CDK14: variants seen among roughly 807,000 people sequenced by gnomAD.
CDK14 encodes the protein cyclin dependent kinase 14.
A neutral mutation model predicts 60.7 loss-of-function variants in CDK14; 34 were observed. The observed-to-expected ratio is 0.56, with a 90% CI of 0.43 to 0.75. The LOEUF (loss-of-function observed/expected upper bound fraction) is 0.75, where lower values mean the gene tolerates loss of function less well. Ranked by LOEUF, CDK14 falls within the 30% of genes least tolerant of loss-of-function variation. The pLI is 0.00. For missense variants in CDK14, 482 were observed against 564.1 expected (o/e 0.85, Z 1.47); for synonymous variants, 197 against 203.7 (o/e 0.97, Z 0.28).
intron 3 of CDK14, among the ~76,000 whole-genome samples, chr7:90,732,230 G>A (rs993181855): frequency 6.6e-6 from 1 of 152,270 alleles, no homozygotes; most frequent in South Asian, 2.1e-4. Context: ...TGGGCTGCTG[G>A]ATTTGGTTTG....
chr7:91,054,044 A>G (rs1306215014), intron 11 of CDK14, among the ~76,000 whole-genome samples: 1 of 151,182 alleles, frequency 6.6e-6, no homozygotes, highest in Non-Finnish European at 1.5e-5. Context: ...CATAATTGAT[A>G]TAAAAGTACT....
intron 12 of CDK14, among the ~76,000 whole-genome samples, chr7:91,082,127 A>C (rs1475821260): frequency 6.6e-6 from 1 of 152,164 alleles, no homozygotes; most frequent in Non-Finnish European, 1.5e-5. Context: ...TGACATTGGC[A>C]TGTATGTGCA....
intron 8 of CDK14, among the ~76,000 whole-genome samples, chr7:90,931,217 T>C (rs1296912815): frequency 3.3e-5 from 5 of 152,184 alleles, no homozygotes; most frequent in African/African-American, 1.2e-4. Flanking sequence ...GAAATGCACC[T>C]AAGTTGAGAA....
At chr7:90,813,916 A>T (rs1789243822) in intron 5 of CDK14, among the ~76,000 whole-genome samples, 1 of 152,224 alleles carries the variant, frequency 6.6e-6, no homozygotes, top group African/African-American at 2.4e-5. Flanking sequence ...TTTGTAAATT[A>T]TACCTCACCT....
chr7:90,734,025 A>G (rs1802983383), intron 3 of CDK14, among the ~76,000 whole-genome samples: 1 of 152,092 alleles, frequency 6.6e-6, no homozygotes, highest in South Asian at 2.1e-4. Flanking sequence ...GTCTCTCAGC[A>G]TTTGCTTGTC....
At chr7:90,940,037 G>A (rs1793869846) in intron 8 of CDK14, among the ~76,000 whole-genome samples, 1 of 152,132 alleles carries the variant, frequency 6.6e-6, no homozygotes, top group Non-Finnish European at 1.5e-5. Flanking sequence ...GACTGCCCAG[G>A]GCTGTGTGAG....
rs148722740 is a variant in CDK14, at chr7:91,121,695, C to A, written c.*28+3487C>A. On this transcript the variant is annotated intron_variant, in intron 14 of 14. Transcript: ENST00000380050. ...ACCTAAGTTAAAAATGGGATAGGTGCCACTGGATTATCAAAATACTGTGCT... is the reference window on the plus strand; with the variant it reads ...ACCTAAGTTAAAAATGGGATAGGTGACACTGGATTATCAAAATACTGTGCT... Among the ~76,000 whole-genome samples the A allele has an allele frequency of 3.9e-4, 60 of 152,230 alleles. No individual in the cohort carries two copies. In the East Asian group the frequency reaches 9.5e-3, roughly 24 times the overall value.
chr7:90,753,009 C>G (rs544179139), intron 4 of CDK14, among the ~76,000 whole-genome samples: 1 of 152,000 alleles, frequency 6.6e-6, no homozygotes, highest in East Asian at 1.9e-4. Flanking sequence ...AAAAACCTAC[C>G]AATCAAAAAA....
chr7:90,839,852 T>A (rs904796037), intron 5 of CDK14, among the ~76,000 whole-genome samples: 1 of 152,170 alleles, frequency 6.6e-6, no homozygotes, highest in Admixed American at 6.5e-5. Context: ...TTTTTGAAAT[T>A]GTTTCTTGTA....
At chr7:90,793,367 A>G (rs1805911486) in intron 5 of CDK14, among the ~76,000 whole-genome samples, 1 of 152,244 alleles carries the variant, frequency 6.6e-6, no homozygotes, top group African/African-American at 2.4e-5. Context: ...TTTGAAATCT[A>G]AAAGATTGTG....
intron 3 of CDK14, among the ~76,000 whole-genome samples, chr7:90,736,162 A>G (rs544951203): frequency 5.3e-5 from 8 of 151,772 alleles, no homozygotes; most frequent in East Asian, 2.0e-4. Flanking sequence ...CAACTGTCCA[A>G]CCAGTCCCAG....
intron 8 of CDK14, among the ~76,000 whole-genome samples, chr7:90,939,529 T>C (rs1046925326): frequency 9.2e-5 from 14 of 152,262 alleles, no homozygotes; most frequent in African/African-American, 3.4e-4. Context: ...CCAACTGTAT[T>C]CTTGCATTCA....
chr7:90,821,892 G>GA (rs1789562973), intron 5 of CDK14, among the ~76,000 whole-genome samples: 1 of 152,104 alleles, frequency 6.6e-6, no homozygotes, highest in Admixed American at 6.6e-5. Context: ...TAGCTTCCTT[G>GA]AGACCCCTGC....
intron 9 of CDK14, among the ~76,000 whole-genome samples, chr7:90,957,163 A>G (rs1475405680): frequency 6.6e-6 from 1 of 151,174 alleles, no homozygotes; most frequent in African/African-American, 2.4e-5. Context: ...TGGTATTTCT[A>G]GTTCTAGATC....
At chr7:90,969,587 T>G (rs1439304640) in intron 9 of CDK14, among the ~76,000 whole-genome samples, 1 of 152,210 alleles carries the variant, frequency 6.6e-6, no homozygotes, top group African/African-American at 2.4e-5. Context: ...AGCTGTCATA[T>G]AAACAGAAAT....
intron 5 of CDK14, among the ~76,000 whole-genome samples, chr7:90,853,842 A>G (rs1790733996): frequency 6.6e-6 from 1 of 152,154 alleles, no homozygotes; most frequent in Admixed American, 6.5e-5. Flanking sequence ...CAGGCACACC[A>G]GTTGACTTTG....
intron 8 of CDK14, among the ~76,000 whole-genome samples, chr7:90,948,745 G>T (rs905740014): frequency 6.6e-6 from 1 of 152,210 alleles, no homozygotes. Context: ...GCTGACCCCA[G>T]ATCTCAGGCC....
intron 2 of CDK14, among the ~76,000 whole-genome samples, chr7:90,682,778 C>T (rs554785612): frequency 6.6e-6 from 1 of 152,254 alleles, no homozygotes; most frequent in Admixed American, 6.5e-5. Context: ...CTTCAGCCTT[C>T]TTCTATATTT....
At chr7:91,168,135 G>A (rs1018614126) in intron 14 of CDK14, among the ~76,000 whole-genome samples, 4 of 151,830 alleles carry the variant, frequency 2.6e-5, no homozygotes, top group Admixed American at 6.6e-5. Flanking sequence ...GGTGGCGCAC[G>A]TCTGTAATCC....
Sources: allele counts gnomAD v4.1 joint callset (sites outside exome capture counted in the v4.1 genomes callset), GRCh38; gene constraint gnomAD v4.1.1; transcripts MANE v1.5; gene names NCBI Gene and HGNC (gene_info 2026-07-23, HGNC 2026-07-21).